Variants in TAF4B observed in about 807,000 individuals in gnomAD.
The protein encoded by TAF4B is transcription initiation factor TFIID subunit 4B.
TAF4B carries 38 observed loss-of-function variants against 86.4 expected under a neutral mutation model. That is an observed-to-expected ratio of 0.44 (90% CI 0.34 to 0.58). The LOEUF is 0.58. Among genes scored for constraint, TAF4B ranks in the 20% least tolerant of loss-of-function variants. TAF4B has a pLI of 0.02. For missense variants in TAF4B, 988 were observed against 1,027.6 expected (o/e 0.96, Z 0.53); for synonymous variants, 388 against 391.2 (o/e 0.99, Z 0.10).
At chr18:26,256,387 G>A (rs1266404460) in intron 1 of TAF4B, 4 of 1,281,738 alleles carry the variant, frequency 3.1e-6, no homozygotes, top group Non-Finnish European at 4.5e-6. Flanking sequence ...TCTTCCAAAA[G>A]CAGCCGTTCC....
At chr18:26,256,988 G>A (rs1023255135) in intron 1 of TAF4B, among the ~76,000 whole-genome samples, 2 of 152,104 alleles carry the variant, frequency 1.3e-5, no homozygotes, top group African/African-American at 2.4e-5. Context: ...ATTTTTGAAA[G>A]TTTATTGAGG....
At chr18:26,233,342 G>C (rs995844319) in intron 1 of TAF4B, among the ~76,000 whole-genome samples, 2 of 152,178 alleles carry the variant, frequency 1.3e-5, no homozygotes, top group Admixed American at 1.3e-4. Flanking sequence ...GCATTCACTA[G>C]CGGTGGGGGC....
At chr18:26,366,670 C>T (rs1215615015) in intron 14 of TAF4B, among the ~76,000 whole-genome samples, 1 of 152,084 alleles carries the variant, frequency 6.6e-6, no homozygotes, top group Non-Finnish European at 1.5e-5. Flanking sequence ...TGTAAGGAAA[C>T]AATAGAAGAA....
At chr18:26,328,452 AAAAT>A (rs971805472) in intron 12 of TAF4B, among the ~76,000 whole-genome samples, 24 of 152,250 alleles carry the variant, frequency 1.6e-4, no homozygotes, top group South Asian at 1.0e-3. Flanking sequence ...CCATCTCCAA[AAAAT>A]AAATAAATAA....
At chr18:26,250,128 T>C (rs1468077113) in intron 1 of TAF4B, among the ~76,000 whole-genome samples, 2 of 152,044 alleles carry the variant, frequency 1.3e-5, no homozygotes, top group Non-Finnish European at 2.9e-5. Context: ...CTCAAACTCC[T>C]GAGCTCAAGT....
chr18:26,267,811 C>G (rs184350603), intron 3 of TAF4B, among the ~76,000 whole-genome samples, 188 bp downstream of exon 3: 1 of 152,164 alleles, frequency 6.6e-6, no homozygotes, highest in Non-Finnish European at 1.5e-5. Context: ...GGTGTACATT[C>G]TTGGAATACC....
chr18:26,307,335 A>G (rs191945823), intron 9 of TAF4B, among the ~76,000 whole-genome samples: 184 of 152,238 alleles, frequency 1.2e-3, no homozygotes, highest in African/African-American at 4.1e-3. Flanking sequence ...TTGTCAGTAT[A>G]GCTGGGGTGA....
intron 1 of TAF4B, among the ~76,000 whole-genome samples, chr18:26,239,146 A>G (rs1032489721): frequency 2.6e-5 from 4 of 152,152 alleles, no homozygotes; most frequent in African/African-American, 9.7e-5. Context: ...CTAGTTCTAG[A>G]TCCTTGAGGA....
At chr18:26,347,372 C>T (rs2057208376) in intron 13 of TAF4B, among the ~76,000 whole-genome samples, 1 of 152,020 alleles carries the variant, frequency 6.6e-6, no homozygotes, top group Admixed American at 6.5e-5. Context: ...GAAAAAATGA[C>T]AACCACCATC....
rs1210553170 is a variant in TAF4B, at chr18:26,301,081, A to G, written c.1832+7550A>G. Reference sequence around the variant, plus strand: ...CCTCTGTTTTCTGCCTGCCTTTATTAAGTCTCCAAATGATTGCCTTTTAAA... The same window carrying G: ...CCTCTGTTTTCTGCCTGCCTTTATTGAGTCTCCAAATGATTGCCTTTTAAA... On this transcript the variant is annotated intron_variant, in intron 9 of 14. Transcript: ENST00000269142. Among the ~76,000 whole-genome samples the G allele has an allele frequency of 2.0e-5, 3 of 152,068 alleles. No homozygotes were observed. The East Asian group carries it at 5.8e-4, about 29-fold the overall frequency.
At chr18:26,278,527 C>T (rs2056409605) in intron 5 of TAF4B, among the ~76,000 whole-genome samples, 1 of 151,740 alleles carries the variant, frequency 6.6e-6, no homozygotes, top group Non-Finnish European at 1.5e-5. Flanking sequence ...AAGCTAGTTT[C>T]CCAACTCCTG....
intron 12 of TAF4B, among the ~76,000 whole-genome samples, chr18:26,332,446 CT>C (rs1420726344): frequency 6.6e-6 from 1 of 151,906 alleles, no homozygotes; most frequent in Non-Finnish European, 1.5e-5. Context: ...TGGCCAGAGC[CT>C]TTTGTTTTGT....
chr18:26,383,144 G>C (rs1978300314), intron 14 of TAF4B, among the ~76,000 whole-genome samples: 1 of 152,220 alleles, frequency 6.6e-6, no homozygotes, highest in African/African-American at 2.4e-5. Context: ...GTGTGGTCAT[G>C]GATGGCCATA....
At chr18:26,365,942 A>G (rs1327338343) in intron 14 of TAF4B, among the ~76,000 whole-genome samples, 1 of 151,950 alleles carries the variant, frequency 6.6e-6, no homozygotes, top group East Asian at 1.9e-4. Context: ...GGCACACGCC[A>G]CCTCGCCTGA....
intron 1 of TAF4B, among the ~76,000 whole-genome samples, chr18:26,235,204 G>A (rs2055730839): frequency 6.6e-6 from 1 of 152,144 alleles, no homozygotes; most frequent in Admixed American, 6.5e-5. Context: ...CATTCTACTA[G>A]ATACAGTATT....
intron 14 of TAF4B, 44 bp downstream of exon 14, chr18:26,357,838 G>A (rs755452615): frequency 6.8e-7 from 1 of 1,465,092 alleles, no homozygotes; most frequent in South Asian, 1.2e-5. Context: ...TGTCAAGAAA[G>A]CAAGCCAAAA....
In TAF4B at chr18:26,261,172, ATTTTTTTTTTTT is replaced by A. The variant is rs71169839; in HGVS notation, c.344-3982_344-3971del. 3.9e-5 allele frequency among the ~76,000 whole-genome samples: 3 copies of A among 77,104 alleles called. 1 individual carries two copies. The highest frequency in any genetic ancestry group is 5.0e-5 in the Non-Finnish European group (2 of 39,608). The allele number at this position is 77,104 out of a possible 152,430, so 50.6% of individuals were successfully genotyped here. On this transcript the variant is annotated intron_variant, in intron 1 of 14. Transcript: ENST00000269142. ...CACATCCTTGAACATGAGCACTGTC[ATTTTTTTTTTTT>A]TTTTTTTTTTTTTTTGAGACGGAGT...
intron 14 of TAF4B, among the ~76,000 whole-genome samples, chr18:26,369,138 G>T (rs539143266): frequency 6.6e-6 from 1 of 151,980 alleles, no homozygotes; most frequent in Non-Finnish European, 1.5e-5. Context: ...GGCAAGGATC[G>T]CCAGATATTT....
intron 7 of TAF4B, among the ~76,000 whole-genome samples, chr18:26,288,160 T>C (rs571448196): frequency 5.3e-5 from 8 of 152,376 alleles, no homozygotes; most frequent in African/African-American, 1.9e-4. Context: ...TAGTTGTTTC[T>C]TGAATCAATG....
Sources: gnomAD v4.1 joint callset for allele counts (sites outside exome capture counted in the v4.1 genomes callset) on GRCh38, gnomAD v4.1.1 for gene constraint, MANE v1.5 for transcripts, NCBI Gene and HGNC (gene_info 2026-07-23, HGNC 2026-07-21) for gene names.